Variants in LGSN observed in about 807,000 individuals in gnomAD.
The protein encoded by LGSN is lengsin.
In LGSN, 21 loss-of-function variants were observed where a neutral mutation model predicts 19.5. The ratio of observed to expected loss-of-function variants is 1.07; its 90% CI spans 0.76 to 1.55. The LOEUF (loss-of-function observed/expected upper bound fraction) is 1.55. Ranked by LOEUF, LGSN falls within the 40% of genes most tolerant of loss-of-function variation. LGSN has a pLI of 0.00. For missense variants in LGSN, 673 were observed against 608.5 expected (o/e 1.11, Z -1.12); for synonymous variants, 257 against 215.6 (o/e 1.19, Z -1.68).
intron 1 of LGSN, among the ~76,000 whole-genome samples, chr6:63,314,554 T>TGAGATAACTGA (rs1326582150): frequency 1.3e-5 from 2 of 152,144 alleles, no homozygotes; most frequent in Non-Finnish European, 2.9e-5. Context: ...ATTTCATGAG[T>TGAGATAACTGA]GCCTTTCAGA....
At chr6:63,374,637 T>C in the LGSN span, among the ~76,000 whole-genome samples, 1 of 152,196 alleles carries the variant, frequency 6.6e-6, no homozygotes. Flanking sequence ...TTAACACAAA[T>C]GTAATGGCTT....
the LGSN span, among the ~76,000 whole-genome samples, chr6:63,334,724 A>G: frequency 6.6e-6 from 1 of 152,362 alleles, no homozygotes; most frequent in African/African-American, 2.4e-5. Context: ...ACAAGTGTAT[A>G]GTAACCAAAA....
chr6:63,473,472 TAAAAAAAAA>T, the LGSN span, among the ~76,000 whole-genome samples: 38 of 59,376 alleles, frequency 6.4e-4, 1 homozygote, highest in African/African-American at 2.6e-3. Flanking sequence ...ACACTCTGTC[TAAAAAAAAA>T]AAAAAAAAAA....
At chr6:63,562,762 G>A in the LGSN span, among the ~76,000 whole-genome samples, 2 of 152,060 alleles carry the variant, frequency 1.3e-5, no homozygotes, top group South Asian at 2.1e-4. Context: ...TAGGAGTCCC[G>A]CTGCTATATT....
chr6:63,539,054 G>T, the LGSN span, among the ~76,000 whole-genome samples: 1 of 151,798 alleles, frequency 6.6e-6, no homozygotes, highest in African/African-American at 2.4e-5. Context: ...CACCATACCC[G>T]GCTAATTTGT....
At chr6:63,282,720 T>A (rs1463233758) in intron 3 of LGSN, among the ~76,000 whole-genome samples, 1 of 152,176 alleles carries the variant, frequency 6.6e-6, no homozygotes, top group East Asian at 1.9e-4. Flanking sequence ...AATAATAAAG[T>A]TGAGTGAGCC....
At chr6:63,542,020 G>C in the LGSN span, among the ~76,000 whole-genome samples, 373 of 97,666 alleles carry the variant, frequency 3.8e-3, 3 homozygotes, top group African/African-American at 0.015. Context: ...TAAAGAAACT[G>C]TGGTGTGTGT....
chr6:63,536,504 G>C, the LGSN span, among the ~76,000 whole-genome samples: 1 of 152,296 alleles, frequency 6.6e-6, no homozygotes, highest in South Asian at 2.1e-4. Flanking sequence ...GATTAAAACA[G>C]TGGTATTCAA....
chr6:63,469,810 A>T, the LGSN span, among the ~76,000 whole-genome samples: 2 of 152,268 alleles, frequency 1.3e-5, no homozygotes, highest in Admixed American at 6.5e-5. Flanking sequence ...TCCACTTCCC[A>T]GGTACAAGCG....
At chr6:63,365,113 T>TA in the LGSN span, among the ~76,000 whole-genome samples, 2 of 151,860 alleles carry the variant, frequency 1.3e-5, no homozygotes, top group African/African-American at 4.8e-5. Context: ...GATAGAGATG[T>TA]AAAAAACCCT....
chr6:63,485,739 C>CT, the LGSN span, among the ~76,000 whole-genome samples: 24 of 151,750 alleles, frequency 1.6e-4, no homozygotes, highest in Non-Finnish European at 1.5e-4. Flanking sequence ...GTTTCTTTTT[C>CT]TTTTTTTGAG....
chr6:63,338,628 A>T, the LGSN span, among the ~76,000 whole-genome samples: 1 of 151,896 alleles, frequency 6.6e-6, no homozygotes, highest in South Asian at 2.1e-4. Flanking sequence ...TATTGATTTT[A>T]TCTTTTCAGG....
chr6:63,299,714 G>A (rs1049850851), intron 1 of LGSN, among the ~76,000 whole-genome samples: 3 of 152,100 alleles, frequency 2.0e-5, no homozygotes, highest in Admixed American at 6.5e-5. Context: ...AGTGTTATGT[G>A]TATCAGATAT....
At chr6:63,323,434 T>C (rs1769136638), upstream of LGSN, among the ~76,000 whole-genome samples, 1 of 152,002 alleles carries the variant, frequency 6.6e-6, no homozygotes, top group Admixed American at 6.6e-5. Flanking sequence ...ACAGAAGACA[T>C]TTTTATAACA....
chr6:63,330,046 C>T, the LGSN span, among the ~76,000 whole-genome samples: 1,153 of 152,276 alleles, frequency 7.6e-3, 16 homozygotes, highest in African/African-American at 0.026. Context: ...CATGAGCTGG[C>T]GCTTGCCCCA....
chr6:63,420,430 A>G, the LGSN span, among the ~76,000 whole-genome samples: 17,066 of 152,202 alleles, frequency 0.11, 1,898 homozygotes, highest in African/African-American at 0.29. Flanking sequence ...ACCAACACAG[A>G]AAGTGATTAA....
chr6:63,341,914 C>T, the LGSN span, among the ~76,000 whole-genome samples: 5 of 152,210 alleles, frequency 3.3e-5, no homozygotes, highest in Admixed American at 3.3e-4. Flanking sequence ...AGATGTGTGT[C>T]CTCTGTTCAA....
chr6:63,482,505 G>A, the LGSN span, among the ~76,000 whole-genome samples: 2 of 152,130 alleles, frequency 1.3e-5, no homozygotes, highest in Non-Finnish European at 2.9e-5. Context: ...AAGGCGGGTG[G>A]ATTGCTTCAG....
the LGSN span, among the ~76,000 whole-genome samples, chr6:63,372,405 T>C: frequency 6.6e-6 from 1 of 152,238 alleles, no homozygotes; most frequent in Non-Finnish European, 1.5e-5. Flanking sequence ...GTGATGCTAC[T>C]GTCTTTCCTA....
Sources: allele counts gnomAD v4.1 joint callset (sites outside exome capture counted in the v4.1 genomes callset), GRCh38; gene constraint gnomAD v4.1.1; transcripts MANE v1.5; gene names NCBI Gene and HGNC (gene_info 2026-07-23, HGNC 2026-07-21).